TSHZ2: variants seen among roughly 807,000 people sequenced by gnomAD.
TSHZ2 encodes teashirt zinc finger homeobox 2.
TSHZ2 carries 21 observed loss-of-function variants against 74.4 expected under a neutral mutation model. The observed-to-expected ratio is 0.28, with a 90% CI of 0.20 to 0.41. TSHZ2 has a LOEUF of 0.41. TSHZ2 is among the 10% of genes least tolerant of loss of function. The pLI is 1.00. For synonymous variants in TSHZ2, 540 were observed against 515.3 expected, an observed-to-expected ratio of 1.05 and a Z score of -0.65; for missense variants, 1,244 against 1,293.5, an observed-to-expected ratio of 0.96 and a Z score of 0.59.
At chr20:53,018,797 G>A (rs184715478) in intron 1 of TSHZ2, among the ~76,000 whole-genome samples, 47 of 151,064 alleles carry the variant, frequency 3.1e-4, no homozygotes, top group Middle Eastern at 3.4e-3. Context: ...CAACTCTTAG[G>A]TTCTCAGCTC....
intron 1 of TSHZ2, among the ~76,000 whole-genome samples, chr20:53,143,499 C>G (rs1371814141): frequency 6.6e-6 from 1 of 152,106 alleles, no homozygotes. Flanking sequence ...CGAGACCATC[C>G]TGGCTAACAC....
chr20:53,305,409 T>C (rs1978489104), intron 2 of TSHZ2, among the ~76,000 whole-genome samples: 1 of 152,178 alleles, frequency 6.6e-6, no homozygotes, highest in Non-Finnish European at 1.5e-5. Context: ...TCTTTCTTTT[T>C]TTTTTCTTTT....
At chr20:53,485,526 T>C (rs965790923) in intron 2 of TSHZ2, among the ~76,000 whole-genome samples, 1 of 152,158 alleles carries the variant, frequency 6.6e-6, no homozygotes, top group Non-Finnish European at 1.5e-5. Context: ...CTGGCCAACA[T>C]GGTGAAACCC....
chr20:53,027,320 T>A (rs1340538353), intron 1 of TSHZ2, among the ~76,000 whole-genome samples: 3 of 152,242 alleles, frequency 2.0e-5, no homozygotes, highest in Non-Finnish European at 4.4e-5. Context: ...TATGCTCATA[T>A]ATGTATTTAT....
intron 2 of TSHZ2, among the ~76,000 whole-genome samples, chr20:53,321,201 AG>A (rs907739656): frequency 4.6e-5 from 7 of 152,216 alleles, no homozygotes; most frequent in Admixed American, 1.3e-4. Flanking sequence ...CAATGTTCAT[AG>A]TAATTCATCT....
intron 1 of TSHZ2, among the ~76,000 whole-genome samples, chr20:52,975,557 T>C (rs1981302170): frequency 6.6e-6 from 1 of 152,000 alleles, no homozygotes; most frequent in Non-Finnish European, 1.5e-5. Context: ...CTTGTAACTA[T>C]AGTTTCAGTT....
At chr20:53,405,116 G>A (rs893190065) in intron 2 of TSHZ2, among the ~76,000 whole-genome samples, 1 of 142,122 alleles carries the variant, frequency 7.0e-6, no homozygotes, top group Non-Finnish European at 1.6e-5. Context: ...AGCTGTGGTT[G>A]CGCGTACCTA....
chr20:53,438,689 A>C (rs1600639458), intron 2 of TSHZ2, among the ~76,000 whole-genome samples: 1 of 152,202 alleles, frequency 6.6e-6, no homozygotes, highest in Non-Finnish European at 1.5e-5. Context: ...GGCTGGGTGC[A>C]GTGGCTCACG....
At chr20:53,241,306 T>C (rs34629991) in intron 1 of TSHZ2, among the ~76,000 whole-genome samples, 10 of 152,124 alleles carry the variant, frequency 6.6e-5, no homozygotes, top group Non-Finnish European at 1.5e-4. Flanking sequence ...CTATGTGTTG[T>C]GGGTTTGGCC....
At chr20:53,311,251 C>T (rs1978772188) in intron 2 of TSHZ2, among the ~76,000 whole-genome samples, 1 of 152,192 alleles carries the variant, frequency 6.6e-6, no homozygotes. Context: ...TGTATTACTA[C>T]ATTGTACATT....
chr20:53,405,739 T>TAATGCCAGC (rs1410037621), intron 2 of TSHZ2, among the ~76,000 whole-genome samples: 2 of 152,202 alleles, frequency 1.3e-5, no homozygotes, highest in Admixed American at 1.3e-4. Flanking sequence ...CTTATGCCAG[T>TAATGCCAGC]AATGCCAGCA....
At chr20:53,017,812 G>T (rs1265856041) in intron 1 of TSHZ2, among the ~76,000 whole-genome samples, 1 of 152,122 alleles carries the variant, frequency 6.6e-6, no homozygotes, top group African/African-American at 2.4e-5. Flanking sequence ...TGCTTCAGAA[G>T]TATCTTGTAT....
chr20:53,013,717 TTATAG>T (rs1207553365), intron 1 of TSHZ2, among the ~76,000 whole-genome samples: 1 of 152,178 alleles, frequency 6.6e-6, no homozygotes, highest in African/African-American at 2.4e-5. Flanking sequence ...ATGTGATAAC[TTATAG>T]TAAGTGGCGC....
intron 2 of TSHZ2, among the ~76,000 whole-genome samples, chr20:53,451,680 G>A (rs1327259120): frequency 6.6e-6 from 1 of 152,150 alleles, no homozygotes; most frequent in Admixed American, 6.5e-5. Flanking sequence ...ATGTAGACTA[G>A]ATTAGAACCT....
intron 1 of TSHZ2, among the ~76,000 whole-genome samples, chr20:53,001,220 G>GTGTA (rs1982411437): frequency 6.8e-6 from 1 of 146,302 alleles, no homozygotes; most frequent in African/African-American, 2.6e-5. Context: ...GTGTGTGTGT[G>GTGTA]TGTGTGTGTG....
chr20:53,375,023 G>A (rs1191288333), intron 2 of TSHZ2, among the ~76,000 whole-genome samples: 1 of 151,696 alleles, frequency 6.6e-6, no homozygotes, highest in African/African-American at 2.4e-5. Context: ...CTATTTTGAG[G>A]CATTTATTTC....
chr20:52,985,018 A>G (rs1327046416), intron 1 of TSHZ2, among the ~76,000 whole-genome samples: 1 of 152,236 alleles, frequency 6.6e-6, no homozygotes, highest in Admixed American at 6.5e-5. Context: ...GTGGAAACCA[A>G]TAAAAGTGTT....
intron 2 of TSHZ2, among the ~76,000 whole-genome samples, chr20:53,440,916 AG>A (rs1600641147): frequency 1.3e-5 from 2 of 152,264 alleles, no homozygotes; most frequent in East Asian, 3.8e-4. Context: ...TATTTTTAGC[AG>A]CTTTCTAGGT....
At chr20:53,293,098 C>T (rs1304503052) in intron 2 of TSHZ2, among the ~76,000 whole-genome samples, 1 of 152,192 alleles carries the variant, frequency 6.6e-6, no homozygotes, top group East Asian at 1.9e-4. Flanking sequence ...GCACAAAGGC[C>T]ACGCTCTTAA....
Sources: gnomAD v4.1 joint callset for allele counts (sites outside exome capture counted in the v4.1 genomes callset) on GRCh38, gnomAD v4.1.1 for gene constraint, MANE v1.5 for transcripts, NCBI Gene and HGNC (gene_info 2026-07-23, HGNC 2026-07-21) for gene names.